Variants in SEMA5A observed in about 807,000 individuals in gnomAD.
SEMA5A encodes semaphorin 5A, also known as semaphorin-5A.
In SEMA5A, 55 loss-of-function variants were observed where a neutral mutation model predicts 135.5. That is an observed-to-expected ratio of 0.41 (90% CI 0.33 to 0.51). The LOEUF (loss-of-function observed/expected upper bound fraction) is 0.51. Ranked by LOEUF, SEMA5A falls within the 20% of genes least tolerant of loss-of-function variation. The pLI, the probability that SEMA5A is intolerant of heterozygous loss-of-function variation, is 0.37. For synonymous variants in SEMA5A, 580 were observed against 546.5 expected, an observed-to-expected ratio of 1.06 and a Z score of -0.85; for missense variants, 1,290 against 1,419.9, an observed-to-expected ratio of 0.91 and a Z score of 1.47.
At chr5:9,458,484 C>CA (rs1758931328) in intron 1 of SEMA5A, among the ~76,000 whole-genome samples, 2 of 152,182 alleles carry the variant, frequency 1.3e-5, no homozygotes, top group African/African-American at 4.8e-5. Context: ...TCCTCATAAG[C>CA]ACATCAGCAA....
At chr5:9,292,945 T>C (rs918436491) in intron 5 of SEMA5A, among the ~76,000 whole-genome samples, 1 of 152,278 alleles carries the variant, frequency 6.6e-6, no homozygotes. Context: ...CCAAGAATTA[T>C]CTGGCCCAAA....
chr5:9,186,515 G>T (rs1744818281), intron 11 of SEMA5A, among the ~76,000 whole-genome samples: 1 of 152,148 alleles, frequency 6.6e-6, no homozygotes, highest in African/African-American at 2.4e-5. Context: ...AACTGATTCT[G>T]CAAGTAAGGT....
chr5:9,469,123 C>G (rs1180876269), intron 1 of SEMA5A, among the ~76,000 whole-genome samples: 1 of 152,198 alleles, frequency 6.6e-6, no homozygotes, highest in Non-Finnish European at 1.5e-5. Context: ...ATTCTCCTGC[C>G]TCAGCCTCCT....
At chr5:9,069,083 G>T (rs1004702409) in intron 16 of SEMA5A, among the ~76,000 whole-genome samples, 1 of 152,184 alleles carries the variant, frequency 6.6e-6, no homozygotes, top group Non-Finnish European at 1.5e-5. Flanking sequence ...ACCGGGGTCT[G>T]GTTGCAGAAG....
intron 1 of SEMA5A, among the ~76,000 whole-genome samples, chr5:9,530,480 TC>T (rs1419888888): frequency 3.9e-5 from 6 of 152,184 alleles, no homozygotes; most frequent in Non-Finnish European, 5.9e-5. Flanking sequence ...AATAAAATGT[TC>T]TTTTTTTTTA....
At chr5:9,307,757 G>A (rs868613693) in intron 5 of SEMA5A, among the ~76,000 whole-genome samples, 1 of 152,066 alleles carries the variant, frequency 6.6e-6, no homozygotes, top group East Asian at 1.9e-4. Flanking sequence ...GGCCATTTTT[G>A]ACATAGAAGG....
chr5:9,317,025 T>C (rs1184414369), intron 5 of SEMA5A, among the ~76,000 whole-genome samples: 2 of 152,196 alleles, frequency 1.3e-5, no homozygotes, highest in African/African-American at 4.8e-5. Context: ...TCTTTTTAGA[T>C]TTCACACATA....
intron 5 of SEMA5A, among the ~76,000 whole-genome samples, chr5:9,307,487 CTT>C (rs552062653): frequency 1.4e-5 from 2 of 144,886 alleles, no homozygotes; most frequent in African/African-American, 5.0e-5. Flanking sequence ...GCCAATGTGA[CTT>C]TTTTTTTTTT....
chr5:9,414,923 C>T (rs1219965246), intron 2 of SEMA5A, among the ~76,000 whole-genome samples: 3 of 152,174 alleles, frequency 2.0e-5, no homozygotes, highest in Admixed American at 6.5e-5. Context: ...ACAGTGCCTG[C>T]ATATAGCATG....
chr5:9,277,197 A>G (rs1049615049), intron 5 of SEMA5A, among the ~76,000 whole-genome samples: 9 of 152,268 alleles, frequency 5.9e-5, no homozygotes, highest in African/African-American at 2.2e-4. Flanking sequence ...TATGCCACCA[A>G]CAAACATATG....
At chr5:9,044,225 C>G (rs187261208) in intron 22 of SEMA5A, 148 bp downstream of exon 22, 16 of 682,668 alleles carry the variant, frequency 2.3e-5, no homozygotes, top group Non-Finnish European at 3.8e-5. Flanking sequence ...CACCTGAAGT[C>G]GTAAGGACTA....
intron 16 of SEMA5A, among the ~76,000 whole-genome samples, chr5:9,082,168 C>T (rs2619929): frequency 0.78 from 118,057 of 152,134 alleles, 46,035 homozygotes; most frequent in East Asian, 0.95. Flanking sequence ...AATCGATTTA[C>T]TGATTTAAAA....
At chr5:9,251,340 C>T (rs1748774541) in intron 5 of SEMA5A, among the ~76,000 whole-genome samples, 1 of 152,068 alleles carries the variant, frequency 6.6e-6, no homozygotes, top group African/African-American at 2.4e-5. Flanking sequence ...CTGAAAAGAG[C>T]CATGCTATTA....
At chr5:9,302,569 G>A (rs1579308496) in intron 5 of SEMA5A, among the ~76,000 whole-genome samples, 1 of 152,256 alleles carries the variant, frequency 6.6e-6, no homozygotes. Flanking sequence ...TCATGAACCT[G>A]GATAATTCAC....
chr5:9,324,197 T>A (rs1242552733), intron 4 of SEMA5A, among the ~76,000 whole-genome samples: 1 of 151,834 alleles, frequency 6.6e-6, no homozygotes, highest in Non-Finnish European at 1.5e-5. Flanking sequence ...GCCTCCCGAG[T>A]AGCTGGGACT....
At chr5:9,073,412 C>A (rs1045404410) in intron 16 of SEMA5A, among the ~76,000 whole-genome samples, 1 of 152,038 alleles carries the variant, frequency 6.6e-6, no homozygotes, top group Non-Finnish European at 1.5e-5. Flanking sequence ...AAATTAATTC[C>A]TTATAAGAAC....
Position 9,380,946 on chromosome 5 carries a change from G to A in SEMA5A, c.-77-923C>T, listed in dbSNP as rs1056847434. Among the ~76,000 whole-genome samples, 28 of 151,560 alleles carry A rather than the reference G, an allele frequency of 1.8e-4. 1 individual carries two copies. The highest frequency in any genetic ancestry group is 6.8e-4 in the African/African-American group (28 of 41,406). Reference sequence around the variant, plus strand: ...TGGAAGGACGTTCCGTCCCCAGGGAGGAGGATGAAAAGGCACATTGGAGGG... The same window carrying A: ...TGGAAGGACGTTCCGTCCCCAGGGAAGAGGATGAAAAGGCACATTGGAGGG... On this transcript the variant is annotated intron_variant, in intron 2 of 22. Coordinates refer to ENST00000382496, the MANE Select transcript of SEMA5A (RefSeq NM_003966.3).
chr5:9,126,993 C>A (rs926186894), intron 13 of SEMA5A, among the ~76,000 whole-genome samples: 2 of 152,070 alleles, frequency 1.3e-5, no homozygotes, highest in Non-Finnish European at 2.9e-5. Flanking sequence ...AAGGTCAAGC[C>A]CTTACCATTG....
At position 9,039,946 on chromosome 5, in the gene SEMA5A, T is replaced by A. The variant is rs1167796156; in HGVS notation, c.*2951A>T. On this transcript the variant is annotated 3_prime_UTR_variant, in exon 23 of 23. Transcript: ENST00000382496. ...TGAGTCTGGCCTCAAGAAAGGACCC[T>A]GAATAGCACTGGGAGCCACTTTCAA... 6.6e-6 allele frequency: 1 copy of A among 152,204 alleles called. No individual in the cohort carries two copies. The highest frequency in any genetic ancestry group is 6.5e-5 in the Admixed American group (1 of 15,280). 9.4% of individuals were successfully genotyped at this position (152,204 alleles called of 1,614,324 possible). A position where few individuals can be genotyped will look rare whatever the true frequency, so the allele number is the denominator to read the frequency against.
Sources: gnomAD v4.1 joint callset for allele counts (sites outside exome capture counted in the v4.1 genomes callset) on GRCh38, gnomAD v4.1.1 for gene constraint, MANE v1.5 for transcripts, NCBI Gene and HGNC (gene_info 2026-07-23, HGNC 2026-07-21) for gene names.